The following STARD9 variants were observed in gnomAD, a reference collection of about 807,000 sequenced individuals.
STARD9 encodes the protein StAR related lipid transfer domain containing 9.
A neutral mutation model predicts 399.8 loss-of-function variants in STARD9; 346 were observed. The observed-to-expected ratio is 0.87, with a 90% CI of 0.79 to 0.95. STARD9 has a LOEUF of 0.95. Ranked by LOEUF, STARD9 falls within the 40% of genes least tolerant of loss-of-function variation. The probability of loss-of-function intolerance (pLI) is 0.00; values close to 1 mark genes in which losing one functional copy is unlikely to be tolerated. For synonymous variants in STARD9, 2,203 were observed against 2,143.5 expected, an observed-to-expected ratio of 1.03 and a Z score of -0.77; for missense variants, 5,832 against 5,667.5, an observed-to-expected ratio of 1.03 and a Z score of -0.93.
At chr15:42,607,812 T>C (rs1239565469) in intron 3 of STARD9, among the ~76,000 whole-genome samples, 2 of 152,180 alleles carry the variant, frequency 1.3e-5, no homozygotes, top group Non-Finnish European at 2.9e-5. Context: ...ATCTTCCACA[T>C]AGAAGTACTT....
At chr15:42,699,392 C>CTTTTCTTTTCTTTTTTTTTTTTTTT (rs1359323091) in intron 26 of STARD9, among the ~76,000 whole-genome samples, 1 of 113,280 alleles carries the variant, frequency 8.8e-6, no homozygotes, top group African/African-American at 4.1e-5. Flanking sequence ...TTTTTCTTTT[C>CTTTTCTTTTCTTTTTTTTTTTTTTT]TTTTTTTTTT....
At chr15:42,717,117 A>G in intron 28 of STARD9, 69 bp downstream of exon 28, 1 of 1,508,540 alleles carries the variant, frequency 6.6e-7, no homozygotes, top group Non-Finnish European at 8.9e-7. Flanking sequence ...GCAGGAAGAG[A>G]AAGTAGGAAA....
intron 1 of STARD9, among the ~76,000 whole-genome samples, chr15:42,580,466 G>A (rs2058143772): frequency 6.6e-6 from 1 of 152,164 alleles, no homozygotes; most frequent in South Asian, 2.1e-4. Flanking sequence ...CCAGGCAGTT[G>A]TAGGTTGGTA....
intron 4 of STARD9, among the ~76,000 whole-genome samples, chr15:42,636,356 G>A (rs889433170): frequency 6.6e-6 from 1 of 152,110 alleles, no homozygotes; most frequent in East Asian, 1.9e-4. Flanking sequence ...GCTGAGGCGG[G>A]CAGATCACAA....
At chr15:42,695,998 C>A in intron 26 of STARD9, 118 bp downstream of exon 26, 1 of 1,058,858 alleles carries the variant, frequency 9.4e-7, no homozygotes, top group Non-Finnish European at 1.3e-6. Context: ...GAGGCCACTG[C>A]TGACATGAGC....
chr15:42,630,649 A>G (rs764752264), intron 3 of STARD9, among the ~76,000 whole-genome samples: 6 of 152,006 alleles, frequency 3.9e-5, no homozygotes, highest in Non-Finnish European at 8.8e-5. Flanking sequence ...TCATGGTTCA[A>G]TTTTGGTAGA....
intron 8 of STARD9, among the ~76,000 whole-genome samples, chr15:42,651,527 C>T (rs2059762580): frequency 1.3e-5 from 2 of 152,148 alleles, no homozygotes; most frequent in Admixed American, 1.3e-4. Context: ...CTATGAATAA[C>T]TAGGTGCTGT....
rs1345939630 is a variant in STARD9, at chr15:42,684,763, T to G, written c.3185T>G (p.Leu1062Trp). Residue 1062 changes from leucine (L) to tryptophan (W), a missense_variant, in exon 23 of 33, where the codon TTG (leucine) becomes TGG (tryptophan). Coordinates refer to ENST00000290607, the MANE Select transcript of STARD9 (RefSeq NM_020759.3). The stretch of plus-strand genomic sequence containing the variant: ...AATATTACCAAAAAGTCCTCTCACT[T>G]GCCTCTTGGCAGTCCTTTGAAGAGA... ...VRNITKKSSH[L>W]PLGSPLKRQQ... The G allele has an allele frequency of 6.5e-7, 1 of 1,537,142 alleles. No homozygotes were observed. The highest frequency in any genetic ancestry group is 8.7e-7 in the Non-Finnish European group (1 of 1,146,934).
intron 26 of STARD9, among the ~76,000 whole-genome samples, chr15:42,715,684 T>C (rs2061336814): frequency 6.6e-6 from 1 of 152,086 alleles, no homozygotes; most frequent in Admixed American, 6.5e-5. Context: ...ATTTTTTGTA[T>C]TGTTAGTAGA....
intron 9 of STARD9, 31 bp downstream of exon 9, chr15:42,652,623 C>T (rs2059785968): frequency 6.0e-6 from 9 of 1,501,898 alleles, no homozygotes; most frequent in African/African-American, 1.4e-5. Context: ...GGTGAGATTT[C>T]TTCCTCTCCT....
chr15:42,671,114 A>G (rs2060194362), intron 16 of STARD9: 2 of 148,218 alleles, frequency 1.3e-5, no homozygotes, highest in African/African-American at 5.0e-5. Flanking sequence ...TCATCTGAAG[A>G]TAGGATTGCT....
In STARD9 at chr15:42,690,039, G is replaced by C. The variant is rs201340789; in HGVS notation, c.8461G>C (p.Val2821Leu). ...TGAAAGTCAGTCTGTGACCTGTGAT[G>C]TTCAGAATTCTACAAGTGCCTCAGG... ...HFESQSVTCD[V>L]QNSTSASGPK... is the part of the protein sequence containing the mutation. The change falls in exon 23 of 33, where the codon GTT becomes CTT. Residue 2821 changes from valine (V) to leucine (L), a missense_variant. Val to Leu is a conservative substitution (Grantham distance 32). Coordinates refer to ENST00000290607, the MANE Select transcript of STARD9 (RefSeq NM_020759.3). 3,961 of 1,537,486 alleles carry C rather than the reference G, an allele frequency of 2.6e-3. 9 individuals carry two copies. Among genetic ancestry groups the C allele is most frequent in the Non-Finnish European group, 3.2e-3 (3,636 of 1,146,976 alleles).
chr15:42,640,335 G>T (rs776844826), intron 7 of STARD9, among the ~76,000 whole-genome samples: 1 of 152,170 alleles, frequency 6.6e-6, no homozygotes, highest in African/African-American at 2.4e-5. Flanking sequence ...GACTGATTCT[G>T]CTACCTATGT....
At chr15:42,658,408 T>C (rs949029058) in intron 9 of STARD9, among the ~76,000 whole-genome samples, 3 of 151,538 alleles carry the variant, frequency 2.0e-5, no homozygotes, top group African/African-American at 7.3e-5. Context: ...ATCCCTAGGC[T>C]CAAGTGATCC....
intron 3 of STARD9, among the ~76,000 whole-genome samples, chr15:42,593,654 C>CTTTTTT (rs71108170): frequency 1.0e-4 from 7 of 66,918 alleles, no homozygotes; most frequent in Non-Finnish European, 1.3e-4. Context: ...GGTTGTGCTT[C>CTTTTTT]TTTTTTTTTT....
intron 14 of STARD9, 96 bp downstream of exon 14, chr15:42,665,426 G>A: frequency 1.1e-6 from 1 of 948,682 alleles, no homozygotes; most frequent in Non-Finnish European, 1.6e-6. Context: ...TGCATTCTAT[G>A]TTCTCAATTG....
At chr15:42,649,852 C>T (rs1305045260) in intron 7 of STARD9, among the ~76,000 whole-genome samples, 3 of 147,588 alleles carry the variant, frequency 2.0e-5, no homozygotes, top group Non-Finnish European at 3.0e-5. Flanking sequence ...CATGAGGCAC[C>T]GAGCCTGGCC....
At chr15:42,659,819 C>CA (rs1187181429) in intron 9 of STARD9, among the ~76,000 whole-genome samples, 1 of 152,124 alleles carries the variant, frequency 6.6e-6, no homozygotes, top group African/African-American at 2.4e-5. Flanking sequence ...TCATCATGCC[C>CA]AGCCTAGCAG....
At chr15:42,698,168 G>C (rs2060885374) in intron 26 of STARD9, among the ~76,000 whole-genome samples, 1 of 152,130 alleles carries the variant, frequency 6.6e-6, no homozygotes, top group African/African-American at 2.4e-5. Flanking sequence ...GTTGCTTTCA[G>C]ACTTTTGCTG....
Sources: gnomAD v4.1 joint callset for allele counts (sites outside exome capture counted in the v4.1 genomes callset) on GRCh38, gnomAD v4.1.1 for gene constraint, MANE v1.5 for transcripts, NCBI Gene and HGNC (gene_info 2026-07-23, HGNC 2026-07-21) for gene names.